SYNM: variants seen among roughly 807,000 people sequenced by gnomAD.
SYNM encodes synemin.
A neutral mutation model predicts 104.0 loss-of-function variants in SYNM; 95 were observed. The observed-to-expected ratio is 0.91, with a 90% CI of 0.77 to 1.08. SYNM has a LOEUF of 1.08. Ranked by LOEUF, SYNM falls within the 50% of genes least tolerant of loss-of-function variation. SYNM has a pLI of 0.00. For missense variants in SYNM, 2,150 were observed against 2,052.2 expected, an observed-to-expected ratio of 1.05 and a Z score of -0.92; for synonymous variants, 918 against 869.0, an observed-to-expected ratio of 1.06 and a Z score of -0.99.
At chr15:99,106,113 G>A (rs1405735351) in intron 1 of SYNM, 104 bp downstream of exon 1, 3 of 1,241,408 alleles carry the variant, frequency 2.4e-6, no homozygotes, top group South Asian at 2.0e-5. Context: ...GGGGCGCGGC[G>A]TCGCGGACCG....
chr15:99,129,273 T>G, intron 3 of SYNM, 94 bp from the exon 4 acceptor site: 1 of 1,496,054 alleles, frequency 6.7e-7, no homozygotes, highest in Non-Finnish European at 9.0e-7. Context: ...ATATTTATTA[T>G]GATGGAATGG....
At position 99,130,403 on chromosome 15, in the gene SYNM, A is replaced by G. The variant is rs1555485597; in HGVS notation, c.2043A>G (p.Lys681=). Residue 681 remains lysine (K), a synonymous_variant, in exon 4 of 4, where the codon AAA becomes AAG. Coordinates refer to ENST00000336292, the MANE Select transcript of SYNM (RefSeq NM_145728.3). ...GGAAAGAGCTTCCTGGGGAAAGGAA[A>G]ACAAAGACTGAAATAGTTGTGGAGT... ...VDRKELPGER[K]TKTEIVVESK... The G allele has an allele frequency of 6.2e-7, 1 of 1,613,818 alleles. No homozygotes were observed.
chr15:99,138,045 G>T, downstream of SYNM: 1 of 1,614,120 alleles, frequency 6.2e-7, no homozygotes, highest in South Asian at 1.1e-5. Flanking sequence ...GCCTTCCCCA[G>T]CAGGGTGTCC....
chr15:99,110,795 C>G (rs1273438142), intron 1 of SYNM, among the ~76,000 whole-genome samples: 1 of 152,192 alleles, frequency 6.6e-6, no homozygotes, highest in African/African-American at 2.4e-5. Context: ...ACCTCTCTCC[C>G]AAGCTTTTGC....
intron 2 of SYNM, among the ~76,000 whole-genome samples, chr15:99,114,217 C>A (rs947769748): frequency 2.6e-5 from 4 of 152,130 alleles, no homozygotes; most frequent in African/African-American, 7.2e-5. Flanking sequence ...AGGAAACTTA[C>A]AATCGTGGCG....
chr15:99,114,116 C>T (rs1555483683), intron 2 of SYNM, among the ~76,000 whole-genome samples: 1 of 152,148 alleles, frequency 6.6e-6, no homozygotes, highest in Non-Finnish European at 1.5e-5. Flanking sequence ...TGTTTTCACA[C>T]CGCTATAAAG....
chr15:99,118,859 G>A (rs782159811), intron 2 of SYNM, among the ~76,000 whole-genome samples: 13 of 152,194 alleles, frequency 8.5e-5, no homozygotes, highest in East Asian at 1.9e-4. Context: ...ATCCTAAGAC[G>A]TGCAGCACCA....
At position 99,135,223 on chromosome 15, in the gene SYNM, T is replaced by A. The variant is rs569252426; in HGVS notation, c.*2165T>A. The A allele has an allele frequency of 1.3e-5, 2 of 152,670 alleles. No individual in the cohort carries two copies. The highest frequency in any genetic ancestry group is 2.9e-5 in the Non-Finnish European group (2 of 68,032). 9.5% of individuals were successfully genotyped at this position (152,670 alleles called of 1,614,324 possible). A position where few individuals can be genotyped will look rare whatever the true frequency, so the allele number is the denominator to read the frequency against. ...ATTCTGCCAAAAGTATTTACAAGTATGGACTCATGAGCTATTGTTGGTTGC... is the reference window on the plus strand; with the variant it reads ...ATTCTGCCAAAAGTATTTACAAGTAAGGACTCATGAGCTATTGTTGGTTGC... On this transcript the variant is annotated 3_prime_UTR_variant, in exon 4 of 4. Transcript: ENST00000336292.
At position 99,130,960 on chromosome 15, in the gene SYNM, A is replaced by G; in HGVS notation, c.2600A>G (p.Asp867Gly). 6.2e-7 allele frequency: 1 copy of G among 1,613,816 alleles called. No individual in the cohort carries two copies. Residue 867 changes from aspartate to glycine, a missense_variant, in exon 4 of 4, where the codon GAT (aspartate) becomes GGT (glycine). Asp to Gly is a moderately conservative substitution (Grantham distance 94). Coordinates refer to ENST00000336292, the MANE Select transcript of SYNM (RefSeq NM_145728.3). ...TCCACCATCAGGTACTCTTGGCAGG[A>G]TGAAATCGTGCAGGGGACTCGAAGG... is the stretch of plus-strand genomic sequence containing the variant. Reference protein sequence around the residue: ...EESTIRYSWQDEIVQGTRRRT... With the variant: ...EESTIRYSWQGEIVQGTRRRT...
At chr15:99,110,090 G>A (rs149905440) in intron 1 of SYNM, among the ~76,000 whole-genome samples, 2 of 152,314 alleles carry the variant, frequency 1.3e-5, no homozygotes, top group East Asian at 1.9e-4. Flanking sequence ...GGGCCCCTGC[G>A]TTCAAGTTGA....
intron 3 of SYNM, among the ~76,000 whole-genome samples, chr15:99,126,998 T>G (rs782343174): frequency 6.6e-6 from 1 of 152,226 alleles, no homozygotes; most frequent in African/African-American, 2.4e-5. Context: ...GGGAAGGTGC[T>G]TGATAAACTT....
At chr15:99,139,135 A>G, downstream of SYNM, 1 of 761,112 alleles carries the variant, frequency 1.3e-6, no homozygotes, top group South Asian at 1.5e-5. Flanking sequence ...ATTTTTAAAT[A>G]CCTGGGCAAG....
Position 99,105,997 on chromosome 15 carries a change from C to G in SYNM, c.798C>G (p.Ala266=), listed in dbSNP as rs781962188. 2.0e-6 allele frequency: 3 copies of G among 1,474,372 alleles called. No individual in the cohort carries two copies. Among genetic ancestry groups the G allele is most frequent in the East Asian group, 2.6e-5 (1 of 37,932 alleles). 91.3% of individuals were successfully genotyped at this position (1,474,372 alleles called of 1,614,324 possible). A position where few individuals can be genotyped will look rare whatever the true frequency, so the allele number is the denominator to read the frequency against. Residue 266 remains alanine, a synonymous_variant, in exon 1 of 4, where the codon GCC becomes GCG. Transcript: ENST00000336292. ...LRMREEYGIQ[A]EERQRVIDCL... ...TGCGCGAGGAGTACGGGATACAGGC[C>G]GAGGAGCGGCAGGTCCGTGCGCGGG...
chr15:99,110,499 C>A (rs980810030), intron 1 of SYNM, among the ~76,000 whole-genome samples: 3 of 152,206 alleles, frequency 2.0e-5, no homozygotes, highest in Non-Finnish European at 2.9e-5. Flanking sequence ...ATAAATACTT[C>A]GTCGGCATCC....
rs1596112379 is a variant in SYNM, at chr15:99,105,472, G to A, written c.273G>A (p.Glu91=). 3.6e-6 allele frequency: 5 copies of A among 1,383,164 alleles called. No individual in the cohort carries two copies. In the Admixed American group the frequency reaches 9.4e-5, roughly 26 times the overall value. 85.7% of individuals were successfully genotyped at this position (1,383,164 alleles called of 1,614,324 possible). ...AEGERDALRR[E]LRELQRLDAE... Reference sequence around the variant, plus strand: ...GCGAGCGGGACGCTCTGCGGCGCGAGCTGCGGGAGCTGCAGCGCCTGGATG... The same window carrying A: ...GCGAGCGGGACGCTCTGCGGCGCGAACTGCGGGAGCTGCAGCGCCTGGATG... The change falls in exon 1 of 4, where the codon GAG becomes GAA. Residue 91 remains glutamate (E), a synonymous_variant. Transcript: ENST00000336292.
downstream of SYNM, chr15:99,137,826 C>T: frequency 1.1e-6 from 1 of 896,264 alleles, no homozygotes; most frequent in Non-Finnish European, 1.7e-6. Flanking sequence ...CCCTGAAGGG[C>T]ATCCACTGTC....
chr15:99,110,904 G>A (rs2067294864), intron 1 of SYNM, among the ~76,000 whole-genome samples: 1 of 152,210 alleles, frequency 6.6e-6, no homozygotes, highest in Admixed American at 6.5e-5. Flanking sequence ...GACTGGCCAA[G>A]CAGAGCCCAA....
chr15:99,131,216 C>G lies in SYNM; in HGVS notation c.2856C>G (p.Val952=). ...AGCCCCGGCAGCAGCTGGTGGAGGT[C>G]ATCGGGCAGCTGGAGGAAACCCTTC... is the stretch of plus-strand genomic sequence containing the variant. ...SKEPRQQLVE[V]IGQLEETLPE... The change falls in exon 4 of 4, where the codon GTC becomes GTG. Residue 952 remains valine, a synonymous_variant. Coordinates refer to ENST00000336292, the MANE Select transcript of SYNM (RefSeq NM_145728.3). This position sits in a 1 kb window ranked among gnomAD's most constrained non-coding sequence, Gnocchi z 4.3. 1 of 1,608,972 alleles carries G rather than the reference C, an allele frequency of 6.2e-7. No homozygotes were observed. The highest frequency in any genetic ancestry group is 8.5e-7 in the Non-Finnish European group (1 of 1,177,852).
At chr15:99,106,847 A>T (rs935867344) in intron 1 of SYNM, among the ~76,000 whole-genome samples, 1 of 152,252 alleles carries the variant, frequency 6.6e-6, no homozygotes, top group Admixed American at 6.5e-5. Context: ...AAATCACACT[A>T]TCAGTAGTTC....
Sources: gnomAD v4.1 joint callset for allele counts (sites outside exome capture counted in the v4.1 genomes callset) on GRCh38, gnomAD v4.1.1 for gene constraint, Gnocchi (gnomAD v3.1) non-coding constraint, MANE v1.5 for transcripts, NCBI Gene and HGNC (gene_info 2026-07-23, HGNC 2026-07-21) for gene names.